Variants in STX2 observed in about 807,000 individuals in gnomAD.
STX2 encodes syntaxin 2.
Under a neutral mutation model 40.6 loss-of-function variants are expected in STX2, and 27 were observed. The observed-to-expected ratio is 0.66, with a 90% CI of 0.49 to 0.92. The LOEUF is 0.92. Among genes scored for constraint, STX2 ranks in the 40% least tolerant of loss-of-function variants. The pLI is 0.00. For synonymous variants in STX2, 123 were observed against 119.1 expected, an observed-to-expected ratio of 1.03 and a Z score of -0.22; for missense variants, 328 against 366.1, an observed-to-expected ratio of 0.90 and a Z score of 0.85.
rs541827422 is a variant in STX2 at position 130,829,451 on chromosome 12, T to G, written c.31-2184A>C. On this transcript the variant is annotated intron_variant, in intron 1 of 10. Transcript: ENST00000392373. ...GTGACTGTGATTCCACACACCCTGC[T>G]CTAACAAGCACACTCTACCCTGGGG... 2.0e-5 allele frequency among the ~76,000 whole-genome samples: 3 copies of G among 152,226 alleles called. No individual in the cohort carries two copies. The South Asian group carries it at 6.2e-4, about 32-fold the overall frequency.
chr12:130,830,703 A>G (rs1489279011), intron 1 of STX2, among the ~76,000 whole-genome samples: 2 of 152,226 alleles, frequency 1.3e-5, no homozygotes, highest in Non-Finnish European at 2.9e-5. Flanking sequence ...ACAAAACAAA[A>G]TGACCAAAGC....
intron 4 of STX2, chr12:130,812,087 T>C: frequency 8.3e-6 from 2 of 241,506 alleles, no homozygotes; most frequent in South Asian, 8.7e-5. Context: ...AAGGAAAAAG[T>C]GCAGAGAGAA....
chr12:130,812,629 C>G (rs1164545002), intron 4 of STX2: 2 of 272,110 alleles, frequency 7.3e-6, no homozygotes, highest in African/African-American at 2.3e-5. Context: ...AGTGGAATGC[C>G]AAACATCATC....
intron 10 of STX2, among the ~76,000 whole-genome samples, chr12:130,793,616 C>T (rs759105072): frequency 8.5e-5 from 13 of 152,162 alleles, no homozygotes; most frequent in Non-Finnish European, 1.8e-4. Flanking sequence ...CTGGTGACAG[C>T]GAGAGTGGAA....
At chr12:130,833,208 G>A (rs1226988065) in intron 1 of STX2, among the ~76,000 whole-genome samples, 1 of 152,104 alleles carries the variant, frequency 6.6e-6, no homozygotes, top group Non-Finnish European at 1.5e-5. Context: ...AGACAAGGGG[G>A]AGGAGAGTGG....
At chr12:130,834,108 A>T (rs1284847440) in intron 1 of STX2, among the ~76,000 whole-genome samples, 4 of 152,046 alleles carry the variant, frequency 2.6e-5, no homozygotes, top group Non-Finnish European at 1.5e-5. Flanking sequence ...GCAAGGCTAC[A>T]TGTGGTGGCT....
At chr12:130,826,707 AAAG>A (rs1185489378) in intron 2 of STX2, among the ~76,000 whole-genome samples, 1 of 152,138 alleles carries the variant, frequency 6.6e-6, no homozygotes, top group African/African-American at 2.4e-5. Context: ...ATAAATCTTT[AAAG>A]AAGAAAGCCA....
chr12:130,818,205 T>TATATATATATATAC (rs1555222374), intron 3 of STX2, among the ~76,000 whole-genome samples: 6 of 117,838 alleles, frequency 5.1e-5, no homozygotes, highest in African/African-American at 2.4e-4. Flanking sequence ...TATATATATA[T>TATATATATATATAC]ATATATATAT....
At chr12:130,824,702 CCAAA>C (rs571347616) in intron 2 of STX2, among the ~76,000 whole-genome samples, 155 of 152,302 alleles carry the variant, frequency 1.0e-3, no homozygotes, top group African/African-American at 3.5e-3. Context: ...TTAGTGTTAA[CCAAA>C]CACTCACCAT....
At chr12:130,797,253 G>T (rs1951059053) in intron 9 of STX2, among the ~76,000 whole-genome samples, 1 of 152,170 alleles carries the variant, frequency 6.6e-6, no homozygotes, top group African/African-American at 2.4e-5. Flanking sequence ...GACGTGTTCA[G>T]GTCATGGAGA....
rs4759785 is a variant in STX2, at chr12:130,790,298, A to G, written c.*1725T>C. ...AAGTAAGGGACGCGGCTTCTGAGCC[A>G]TTCAATATTCTCCACACCTGTTTGG... On this transcript the variant is annotated 3_prime_UTR_variant, in exon 11 of 11. Transcript: ENST00000392373. The G allele has an allele frequency of 0.99, 150,073 of 152,318 alleles. 73,957 individuals are homozygous for G. The highest frequency in any genetic ancestry group is 1 in the East Asian group (5,180 of 5,180). 9.4% of individuals were successfully genotyped at this position (152,318 alleles called of 1,614,324 possible). A position where few individuals can be genotyped will look rare whatever the true frequency, so the allele number is the denominator to read the frequency against.
intron 1 of STX2, 108 bp downstream of exon 1, chr12:130,838,962 C>T: frequency 8.7e-7 from 1 of 1,154,476 alleles, no homozygotes; most frequent in Non-Finnish European, 1.1e-6. Flanking sequence ...CGGAGATCCC[C>T]GCCCTGGGGA....
At position 130,790,404 on chromosome 12, in the gene STX2, G is replaced by A. The variant is rs546111611; in HGVS notation, c.*1619C>T. 199 of 152,278 alleles carry A rather than the reference G, an allele frequency of 1.3e-3. No homozygotes were observed. Among genetic ancestry groups the A allele is most frequent in the African/African-American group, 4.5e-3 (188 of 41,556 alleles). 9.4% of individuals were successfully genotyped at this position (152,278 alleles called of 1,614,324 possible). ...ACACTACTACATACAGGAGTAACAA[G>A]AGTTCACGACATTTGGGGCATCCTG... On this transcript the variant is annotated 3_prime_UTR_variant, in exon 11 of 11. Coordinates refer to ENST00000392373, the MANE Select transcript of STX2 (RefSeq NM_194356.4).
At chr12:130,835,027 G>C (rs1291741435) in intron 1 of STX2, among the ~76,000 whole-genome samples, 1 of 152,208 alleles carries the variant, frequency 6.6e-6, no homozygotes, top group Non-Finnish European at 1.5e-5. Context: ...GGTGGCTCAC[G>C]CCTGAAATCC....
intron 5 of STX2, 71 bp from the exon 6 acceptor site, chr12:130,807,161 G>A: frequency 6.8e-7 from 1 of 1,475,612 alleles, no homozygotes; most frequent in Non-Finnish European, 9.4e-7. Flanking sequence ...TGCAAGACAT[G>A]CATTTTGGAA....
intron 4 of STX2, among the ~76,000 whole-genome samples, chr12:130,809,676 G>A (rs997516657): frequency 2.6e-5 from 4 of 152,182 alleles, no homozygotes; most frequent in Non-Finnish European, 4.4e-5. Context: ...AATTAGCTGG[G>A]TGTGGTGGCG....
chr12:130,795,503 A>C (rs1165346458), intron 10 of STX2, among the ~76,000 whole-genome samples: 1 of 152,228 alleles, frequency 6.6e-6, no homozygotes, highest in Non-Finnish European at 1.5e-5. Context: ...TAATCCCAGC[A>C]CTTTGGGAGG....
intron 3 of STX2, among the ~76,000 whole-genome samples, chr12:130,818,181 AAAAAATATATATAT>A (rs1300826686): frequency 9.9e-5 from 2 of 20,176 alleles, no homozygotes; most frequent in South Asian, 4.6e-3. Flanking sequence ...AAAAAAAAAA[AAAAAATATATATAT>A]ATATATATAT....
intron 8 of STX2, among the ~76,000 whole-genome samples, chr12:130,800,195 G>A (rs1593120132): frequency 6.6e-6 from 1 of 152,146 alleles, no homozygotes; most frequent in African/African-American, 2.4e-5. Flanking sequence ...GACAAAGAGC[G>A]AGTGTGAACA....
Sources: allele counts gnomAD v4.1 joint callset (sites outside exome capture counted in the v4.1 genomes callset), GRCh38; gene constraint gnomAD v4.1.1; transcripts MANE v1.5; gene names NCBI Gene and HGNC (gene_info 2026-07-23, HGNC 2026-07-21).